The following SGCE variants were observed in gnomAD, a reference collection of about 807,000 sequenced individuals.
SGCE encodes the protein sarcoglycan epsilon.
In SGCE, 26 loss-of-function variants were observed where a neutral mutation model predicts 57.8. That is an observed-to-expected ratio of 0.45 (90% CI 0.33 to 0.62). SGCE has a LOEUF of 0.62. Among genes scored for constraint, SGCE ranks in the 20% least tolerant of loss-of-function variants. The pLI, the probability that SGCE is intolerant of heterozygous loss-of-function variation, is 0.02. For synonymous variants in SGCE, 183 were observed against 189.5 expected (o/e 0.97, Z 0.28); for missense variants, 468 against 548.6 (o/e 0.85, Z 1.47).
At chr7:94,647,411 A>G (rs1057433623) in intron 1 of SGCE, among the ~76,000 whole-genome samples, 4 of 152,084 alleles carry the variant, frequency 2.6e-5, no homozygotes, top group African/African-American at 9.7e-5. Context: ...GCTAGCCCAC[A>G]AGGTCATCAA....
chr7:94,639,304 T>C (rs1190385593), intron 1 of SGCE: 4 of 1,235,986 alleles, frequency 3.2e-6, no homozygotes, highest in Non-Finnish European at 4.6e-6. Context: ...TTTAATTGGC[T>C]CCCCCAAAGG....
At chr7:94,651,550 A>C (rs752113385) in intron 1 of SGCE, among the ~76,000 whole-genome samples, 32 of 152,228 alleles carry the variant, frequency 2.1e-4, no homozygotes, top group Non-Finnish European at 4.1e-4. Flanking sequence ...TCCTTGACAA[A>C]TGCTTTGCAG....
intron 9 of SGCE, among the ~76,000 whole-genome samples, chr7:94,594,183 G>T (rs1168421611): frequency 2.6e-5 from 4 of 152,098 alleles, no homozygotes; most frequent in African/African-American, 9.7e-5. Context: ...TTTTTGATGT[G>T]AAGTCTTTGG....
intron 1 of SGCE, among the ~76,000 whole-genome samples, chr7:94,643,406 A>G (rs1232973704): frequency 6.6e-6 from 1 of 152,224 alleles, no homozygotes; most frequent in Admixed American, 6.5e-5. Context: ...ACAGAGAGGC[A>G]GGGTAGAATA....
intron 4 of SGCE, 54 bp downstream of exon 4, chr7:94,623,271 C>CTTCTT: frequency 9.0e-7 from 1 of 1,107,152 alleles, no homozygotes; most frequent in East Asian, 2.5e-5. Context: ...AGTTATAAAA[C>CTTCTT]ATAATGAAAT....
At chr7:94,602,391 A>G (rs1799403451) in intron 6 of SGCE, among the ~76,000 whole-genome samples, 1 of 152,170 alleles carries the variant, frequency 6.6e-6, no homozygotes, top group African/African-American at 2.4e-5. Flanking sequence ...AATGTGAGTA[A>G]TATGTTCTCC....
At chr7:94,591,051 A>G (rs1797611261) in intron 9 of SGCE, among the ~76,000 whole-genome samples, 2 of 152,160 alleles carry the variant, frequency 1.3e-5, no homozygotes, top group Non-Finnish European at 2.9e-5. Flanking sequence ...CCCGACGATT[A>G]TATTCGTTTT....
intron 5 of SGCE, among the ~76,000 whole-genome samples, chr7:94,614,283 TGCTATTGGGTCCCCTAAAATCCCA>T (rs1267682751): frequency 1.3e-5 from 2 of 152,154 alleles, no homozygotes; most frequent in African/African-American, 4.8e-5. Flanking sequence ...GGAAAATGGA[TGCTATTGGGTCCCCTAAAATCCCA>T]GCACCTATAT....
At chr7:94,646,521 G>A (rs959849401) in intron 1 of SGCE, among the ~76,000 whole-genome samples, 13 of 152,162 alleles carry the variant, frequency 8.5e-5, no homozygotes, top group African/African-American at 3.1e-4. Flanking sequence ...ATGCATATAA[G>A]CAACAGTTAT....
chr7:94,645,420 G>C (rs1045605893), intron 1 of SGCE, among the ~76,000 whole-genome samples: 2 of 152,134 alleles, frequency 1.3e-5, no homozygotes, highest in African/African-American at 4.8e-5. Flanking sequence ...TTAAGTTTTG[G>C]AACCTATGGG....
chr7:94,612,976 C>G (rs555317985), intron 5 of SGCE, among the ~76,000 whole-genome samples: 1 of 152,356 alleles, frequency 6.6e-6, no homozygotes, highest in South Asian at 2.1e-4. Context: ...ACTGCTACAA[C>G]TGTAGTTCTA....
chr7:94,644,722 T>C lies in SGCE; in HGVS notation c.109+11268A>G, dbSNP rs1041597457. The C allele has an allele frequency of 3.7e-6, 3 of 807,814 alleles. No homozygotes were observed. The African/African-American group carries it at 5.3e-5, about 14-fold the overall frequency. 50.0% of individuals were successfully genotyped at this position (807,814 alleles called of 1,614,324 possible). ...AGAAGTTGGTTATATAGCTCACGTG[T>C]CCGGCATCCCTTCCCTTCTCTTACC... On this transcript the variant is annotated intron_variant, in intron 1 of 10. Transcript: ENST00000648936.
At chr7:94,606,608 TATC>T (rs965738343) in intron 5 of SGCE, among the ~76,000 whole-genome samples, 1 of 152,178 alleles carries the variant, frequency 6.6e-6, no homozygotes, top group African/African-American at 2.4e-5. Flanking sequence ...TGAAACTCAG[TATC>T]ATCATCAGTC....
At chr7:94,639,577 G>A in intron 1 of SGCE, 1 of 618,816 alleles carries the variant, frequency 1.6e-6, no homozygotes, top group Non-Finnish European at 2.8e-6. Flanking sequence ...TTTAATTCTA[G>A]TCAGCAAATA....
intron 5 of SGCE, among the ~76,000 whole-genome samples, chr7:94,610,798 C>G (rs895015399): frequency 2.6e-5 from 4 of 152,076 alleles, no homozygotes; most frequent in Admixed American, 6.5e-5. Flanking sequence ...ACTCTTACAA[C>G]TTAATCAAAA....
chr7:94,588,944 T>C (rs746855929), intron 9 of SGCE: 4 of 574,456 alleles, frequency 7.0e-6, no homozygotes, highest in African/African-American at 1.9e-5. Context: ...TGCATGAAAT[T>C]TTCACTGCGG....
At chr7:94,617,681 T>G (rs1802134612) in intron 5 of SGCE, 1 of 152,244 alleles carries the variant, frequency 6.6e-6, no homozygotes, top group South Asian at 2.1e-4. Context: ...AGGACTTCTA[T>G]GTATGCTTGA....
intron 3 of SGCE, chr7:94,626,029 T>C (rs934957782): frequency 1.3e-5 from 2 of 152,136 alleles, no homozygotes; most frequent in African/African-American, 4.8e-5. Flanking sequence ...ATTTTACTGA[T>C]GGCAAAATTT....
chr7:94,643,749 T>C (rs1806701336), intron 1 of SGCE, among the ~76,000 whole-genome samples: 1 of 152,230 alleles, frequency 6.6e-6, no homozygotes, highest in South Asian at 2.1e-4. Context: ...TAGAAAAGTA[T>C]TGTATTCTGT....
Sources: allele counts gnomAD v4.1 joint callset (sites outside exome capture counted in the v4.1 genomes callset), GRCh38; gene constraint gnomAD v4.1.1; transcripts MANE v1.5; gene names NCBI Gene and HGNC (gene_info 2026-07-23, HGNC 2026-07-21).